The following DLG2 variants were observed in gnomAD, a reference collection of about 807,000 sequenced individuals.
The protein encoded by DLG2 is discs large MAGUK scaffold protein 2.
In DLG2, 45 loss-of-function variants were observed where a neutral mutation model predicts 132.5. That is an observed-to-expected ratio of 0.34 (90% confidence interval 0.27 to 0.44). The LOEUF is 0.44. DLG2 is among the 20% of genes least tolerant of loss of function. DLG2 has a pLI of 1.00. For synonymous variants in DLG2, 424 were observed against 419.6 expected, an observed-to-expected ratio of 1.01 and a Z score of -0.13; for missense variants, 1,045 against 1,196.9, an observed-to-expected ratio of 0.87 and a Z score of 1.87.
intron 19 of DLG2, among the ~76,000 whole-genome samples, chr11:83,574,098 A>G (rs1173241481): frequency 6.6e-6 from 1 of 152,106 alleles, no homozygotes; most frequent in East Asian, 1.9e-4. Flanking sequence ...TCTTATTCTA[A>G]ACTCTGTAAT....
chr11:84,189,046 G>T (rs962483892), intron 8 of DLG2, among the ~76,000 whole-genome samples: 9 of 152,100 alleles, frequency 5.9e-5, no homozygotes, highest in African/African-American at 1.7e-4. Context: ...GGTCTACCAG[G>T]TTCTGGAAAT....
chr11:85,217,574 C>G (rs2082705468), intron 4 of DLG2, among the ~76,000 whole-genome samples: 1 of 152,160 alleles, frequency 6.6e-6, no homozygotes, highest in Non-Finnish European at 1.5e-5. Context: ...CTAGGAGATT[C>G]TACTATGCTG....
chr11:84,638,071 T>A (rs775342683), intron 6 of DLG2, among the ~76,000 whole-genome samples: 25 of 152,360 alleles, frequency 1.6e-4, no homozygotes, highest in Middle Eastern at 3.4e-3. Context: ...TCATCTTTGA[T>A]TTAGCAGTTC....
intron 15 of DLG2, among the ~76,000 whole-genome samples, chr11:83,877,361 T>C (rs1009426400): frequency 1.3e-5 from 2 of 152,240 alleles, no homozygotes; most frequent in African/African-American, 4.8e-5. Context: ...TTTCCACTGA[T>C]CTAGAAAGTA....
intron 3 of DLG2, among the ~76,000 whole-genome samples, chr11:85,483,694 A>G (rs866931822): frequency 8.5e-5 from 13 of 152,246 alleles, no homozygotes; most frequent in Admixed American, 2.0e-4. Flanking sequence ...CTATAATCCC[A>G]GAACTTTGGG....
chr11:85,433,362 A>G (rs974338779), intron 3 of DLG2, among the ~76,000 whole-genome samples: 2 of 152,224 alleles, frequency 1.3e-5, no homozygotes, highest in African/African-American at 4.8e-5. Flanking sequence ...GTTAAAAGAC[A>G]CAGACTGGCA....
chr11:85,257,779 C>T (rs2076743472), intron 4 of DLG2, among the ~76,000 whole-genome samples: 1 of 152,108 alleles, frequency 6.6e-6, no homozygotes, highest in Admixed American at 6.6e-5. Context: ...GAAACAACTT[C>T]TCCATAAGAA....
rs1411401662 is a variant in DLG2 at position 84,172,356 on chromosome 11, G to A, written c.574-8845C>T. Among the ~76,000 whole-genome samples the A allele has an allele frequency of 2.6e-5, 4 of 151,964 alleles. No homozygotes were observed. In the East Asian group the frequency reaches 7.7e-4, roughly 29 times the overall value. Reference sequence around the variant, plus strand: ...TTAGTTAAGATTCTGAGTTTGGTAAGATCACTATTCCTATTATTCACCTGA... The same window carrying A: ...TTAGTTAAGATTCTGAGTTTGGTAAAATCACTATTCCTATTATTCACCTGA... On this transcript the variant is annotated intron_variant, in intron 8 of 27. Coordinates refer to ENST00000376104, the MANE Select transcript of DLG2 (RefSeq NM_001142699.3).
intron 9 of DLG2, among the ~76,000 whole-genome samples, chr11:84,130,426 C>T (rs1329499054): frequency 6.6e-6 from 1 of 150,920 alleles, no homozygotes; most frequent in African/African-American, 2.4e-5. Context: ...AGTGGCTACA[C>T]AGGGTGATCT....
intron 6 of DLG2, among the ~76,000 whole-genome samples, chr11:84,851,880 A>G (rs1461913659): frequency 2.0e-5 from 3 of 151,872 alleles, no homozygotes; most frequent in African/African-American, 7.2e-5. Flanking sequence ...ATAGTTATAT[A>G]CAATTTTGTA....
intron 18 of DLG2, among the ~76,000 whole-genome samples, chr11:83,766,255 G>A (rs1185601154): frequency 6.6e-6 from 1 of 151,756 alleles, no homozygotes; most frequent in East Asian, 1.9e-4. Context: ...CACCACACCT[G>A]GCTAATTTTT....
chr11:84,907,569 T>C (rs1385038573), intron 6 of DLG2, among the ~76,000 whole-genome samples: 2 of 152,116 alleles, frequency 1.3e-5, no homozygotes, highest in African/African-American at 2.4e-5. Flanking sequence ...GGAGCTGAAA[T>C]AGAGCTATGT....
intron 6 of DLG2, among the ~76,000 whole-genome samples, chr11:84,914,029 T>C (rs2092296705): frequency 6.6e-6 from 1 of 152,200 alleles, no homozygotes; most frequent in Non-Finnish European, 1.5e-5. Flanking sequence ...TAAGTACTCC[T>C]TGAAAAATGA....
chr11:83,963,993 C>T (rs1020975069), intron 13 of DLG2, among the ~76,000 whole-genome samples: 9 of 151,926 alleles, frequency 5.9e-5, no homozygotes, highest in Admixed American at 6.6e-5. Context: ...CATATGCATA[C>T]CTCTTATTCT....
intron 7 of DLG2, among the ~76,000 whole-genome samples, chr11:84,391,217 A>T (rs1423514980): frequency 4.6e-5 from 7 of 152,234 alleles, no homozygotes; most frequent in African/African-American, 1.7e-4. Flanking sequence ...CTCTAAAAAC[A>T]AGTGCTGATA....
intron 3 of DLG2, among the ~76,000 whole-genome samples, chr11:85,527,439 A>C (rs1004884959): frequency 2.0e-5 from 3 of 151,954 alleles, no homozygotes; most frequent in Admixed American, 1.3e-4. Flanking sequence ...TAGTGGGAAC[A>C]TGTGGTGTTT....
intron 3 of DLG2, among the ~76,000 whole-genome samples, chr11:85,581,534 C>T (rs550954125): frequency 6.6e-6 from 1 of 152,172 alleles, no homozygotes; most frequent in Non-Finnish European, 1.5e-5. Flanking sequence ...AGGGGAATTG[C>T]TTGAACCTGG....
At chr11:84,179,549 G>A (rs2096063123) in intron 8 of DLG2, among the ~76,000 whole-genome samples, 1 of 152,138 alleles carries the variant, frequency 6.6e-6, no homozygotes, top group Admixed American at 6.6e-5. Context: ...AACAGTCACA[G>A]GGCCGCCACG....
chr11:84,452,569 T>A (rs754203475), intron 7 of DLG2, among the ~76,000 whole-genome samples: 1 of 151,738 alleles, frequency 6.6e-6, no homozygotes, highest in Non-Finnish European at 1.5e-5. Flanking sequence ...TGAAAATTTT[T>A]AAAAAGTGGT....
Sources: gnomAD v4.1 joint callset for allele counts (sites outside exome capture counted in the v4.1 genomes callset) on GRCh38, gnomAD v4.1.1 for gene constraint, MANE v1.5 for transcripts, NCBI Gene and HGNC (gene_info 2026-07-23, HGNC 2026-07-21) for gene names.